COL9A1: variants seen among roughly 807,000 people sequenced by gnomAD.
The protein encoded by COL9A1 is collagen alpha-1(IX) chain.
In COL9A1, 104 loss-of-function variants were observed where a neutral mutation model predicts 142.6. That is an observed-to-expected ratio of 0.73 (90% CI 0.62 to 0.86). The LOEUF (loss-of-function observed/expected upper bound fraction) is 0.86, where lower values mean the gene tolerates loss of function less well. COL9A1 is among the 40% of genes least tolerant of loss of function. The pLI, the probability that COL9A1 is intolerant of heterozygous loss-of-function variation, is 0.00. For missense variants in COL9A1, 1,210 were observed against 1,176.6 expected, an observed-to-expected ratio of 1.03 and a Z score of -0.42; for synonymous variants, 466 against 396.0, an observed-to-expected ratio of 1.18 and a Z score of -2.10.
intron 10 of COL9A1, among the ~76,000 whole-genome samples, chr6:70,278,104 A>G (rs1049685378): frequency 6.6e-6 from 1 of 152,252 alleles, no homozygotes. Flanking sequence ...GCTTAAATTC[A>G]AAAGTCAGGG....
rs779666896 is a variant in COL9A1 at position 70,274,076 on chromosome 6, G to T, written c.1036C>A (p.Pro346Thr). 2.0e-5 allele frequency: 32 copies of T among 1,587,656 alleles called. No individual in the cohort carries two copies. The South Asian group carries it at 2.1e-4, about 10-fold the overall frequency. ...AATCCACGCGATCCAGGCACACCAG[G>T]TTCTCCCTAAAAATAAAAATAGTTT... The part of the protein sequence containing the change: ...SIGSKGQKGE[P>T]GVPGSRGFPG... The change falls in exon 12 of 38, where the codon CCT (proline) becomes ACT (threonine). Residue 346 changes from proline (P) to threonine (T), a missense_variant. Transcript: ENST00000357250.
intron 26 of COL9A1, among the ~76,000 whole-genome samples, chr6:70,252,657 ATTAT>A (rs756355207): frequency 7.6e-4 from 115 of 152,290 alleles, no homozygotes; most frequent in Non-Finnish European, 1.5e-3. Context: ...CTCCAATATA[ATTAT>A]TTGAGTCTTT....
rs564704853 is a variant in COL9A1, at chr6:70,223,469, C to T, written c.2581+2463G>A. On this transcript the variant is annotated intron_variant, in intron 37 of 37. Transcript: ENST00000357250. Reference sequence around the variant, plus strand: ...AAGTTAGTTAGTGGCATAGTCAAAACGTGAACCTAGGATGTCTGAATTGTA... The same window carrying T: ...AAGTTAGTTAGTGGCATAGTCAAAATGTGAACCTAGGATGTCTGAATTGTA... 3.2e-4 allele frequency among the ~76,000 whole-genome samples: 48 copies of T among 152,218 alleles called. No individual in the cohort carries two copies. In the East Asian group the frequency reaches 8.3e-3, roughly 26 times the overall value.
intron 28 of COL9A1, among the ~76,000 whole-genome samples, chr6:70,244,824 GTTC>G (rs1373651385): frequency 6.6e-6 from 1 of 152,058 alleles, no homozygotes; most frequent in Non-Finnish European, 1.5e-5. Context: ...TCTTTTCTAA[GTTC>G]TTATTACAGT....
chr6:70,251,847 C>T (rs978248512), intron 28 of COL9A1, among the ~76,000 whole-genome samples: 6 of 152,226 alleles, frequency 3.9e-5, no homozygotes, highest in Non-Finnish European at 8.8e-5. Flanking sequence ...TGTATCTCAA[C>T]GTTGGGTCTT....
In COL9A1 at chr6:70,266,690, TA is replaced by T. The variant is rs1224407742; in HGVS notation, c.1341+26del. The T allele has an allele frequency of 2.5e-6, 4 of 1,573,844 alleles. No homozygotes were observed. In the Admixed American group the frequency reaches 6.7e-5, roughly 26 times the overall value. On this transcript the variant is annotated intron_variant, in intron 18 of 37. Transcript: ENST00000357250. ...TGACCAATAACTCCTAATCACAATT[TA>T]TCCACTAAATACCCATTTTCCTTAC... is the stretch of plus-strand genomic sequence containing the variant.
intron 36 of COL9A1, among the ~76,000 whole-genome samples, 182 bp from the exon 37 acceptor site, chr6:70,226,191 G>A (rs538412692): frequency 6.6e-5 from 10 of 151,976 alleles, no homozygotes; most frequent in Non-Finnish European, 1.3e-4. Context: ...ATCTAAGGGG[G>A]GAAAATCAAA....
At chr6:70,250,127 G>C (rs1562302189) in intron 28 of COL9A1, among the ~76,000 whole-genome samples, 1 of 151,884 alleles carries the variant, frequency 6.6e-6, no homozygotes, top group East Asian at 1.9e-4. Flanking sequence ...TGGGCATGGT[G>C]GTGTGCACCT....
intron 36 of COL9A1, 46 bp downstream of exon 36, chr6:70,232,537 T>G (rs368426763): frequency 2.5e-6 from 4 of 1,594,346 alleles, no homozygotes; most frequent in Admixed American, 3.3e-5. Flanking sequence ...ATTATACATC[T>G]GAAAAAGGTT....
chr6:70,287,662 G>C (rs1773509829), intron 5 of COL9A1, among the ~76,000 whole-genome samples: 1 of 152,106 alleles, frequency 6.6e-6, no homozygotes, highest in Non-Finnish European at 1.5e-5. Context: ...ACCCATTCCA[G>C]TTGGGCTTTC....
intron 22 of COL9A1, 56 bp downstream of exon 22, chr6:70,255,281 A>C (rs1771208233): frequency 6.2e-7 from 1 of 1,608,934 alleles, no homozygotes; most frequent in African/African-American, 1.3e-5. Context: ...AGATCAGCAT[A>C]ATCAGCAGAT....
At chr6:70,236,700 C>T (rs1363538693) in intron 33 of COL9A1, among the ~76,000 whole-genome samples, 4 of 152,160 alleles carry the variant, frequency 2.6e-5, no homozygotes, top group Admixed American at 1.3e-4. Flanking sequence ...GCCAAAATTG[C>T]TTCTATGAAG....
Position 70,287,025 on chromosome 6 carries a change from A to G in COL9A1, c.697-3205T>C, listed in dbSNP as rs149653836. 1.7e-3 allele frequency among the ~76,000 whole-genome samples: 254 copies of G among 152,382 alleles called. 2 individuals carry two copies. Among genetic ancestry groups the G allele is most frequent in the African/African-American group, 5.8e-3 (242 of 41,596 alleles). The stretch of plus-strand genomic sequence containing the variant: ...AGAAAATGATTTGATGATAAATACT[A>G]TAGCAGTGGAGATGACAGAAATATT... On this transcript the variant is annotated intron_variant, in intron 5 of 37. Transcript: ENST00000357250.
At chr6:70,260,520 C>CAATGCA in intron 20 of COL9A1, 137 bp downstream of exon 20, 1 of 703,036 alleles carries the variant, frequency 1.4e-6, no homozygotes, top group Non-Finnish European at 2.3e-6. Context: ...TGCACTCCAG[C>CAATGCA]CTGGGCAACA....
At chr6:70,278,691 T>C (rs1053465234) in intron 10 of COL9A1, among the ~76,000 whole-genome samples, 6 of 152,232 alleles carry the variant, frequency 3.9e-5, no homozygotes, top group Non-Finnish European at 8.8e-5. Context: ...CTTATTCTTT[T>C]ATGTCTTTTA....
At position 70,260,701 on chromosome 6, in the gene COL9A1, C is replaced by A; in HGVS notation, c.1405G>T (p.Gly469Cys). Residue 469 changes from glycine to cysteine, a missense_variant, in exon 20 of 38, where the codon GGT becomes TGT. By Grantham distance (159) the Gly-to-Cys change is radical. Coordinates refer to ENST00000357250, the MANE Select transcript of COL9A1 (RefSeq NM_001851.6). ...ACTATGCCGGTGATGCCTCGCAAAC[C>A]CTGGGCTCCCTGGAAATGTGAAAAA... ...VGAQGPPGAQ[G>C]LRGITGIVGD... 2 of 1,613,878 alleles carry A rather than the reference C, an allele frequency of 1.2e-6. No individual in the cohort carries two copies. The highest frequency in any genetic ancestry group is 1.7e-6 in the Non-Finnish European group (2 of 1,179,920).
At position 70,274,064 on chromosome 6, in the gene COL9A1, C is replaced by T; in HGVS notation, c.1048G>A (p.Gly350Arg). The T allele has an allele frequency of 6.4e-7, 1 of 1,572,688 alleles. No individual in the cohort carries two copies. The highest frequency in any genetic ancestry group is 1.2e-5 in the South Asian group (1 of 83,870). The change falls in exon 12 of 38, where the codon GGA (glycine) becomes AGA (arginine). Residue 350 changes from glycine (G) to arginine (R), a missense_variant. By Grantham distance (125) the Gly-to-Arg change is moderately radical. Transcript: ENST00000357250. ...KGQKGEPGVP[G>R]SRGFPGRGIP... The stretch of plus-strand genomic sequence containing the variant: ...TTACTTACTGGAAATCCACGCGATC[C>T]AGGCACACCAGGTTCTCCCTAAAAA...
intron 20 of COL9A1, among the ~76,000 whole-genome samples, chr6:70,259,452 TAGAG>T: frequency 6.6e-6 from 1 of 152,154 alleles, no homozygotes; most frequent in East Asian, 1.9e-4. Context: ...TAAAATCTGA[TAGAG>T]AGGCTAAACA....
At chr6:70,280,700 G>A (rs1017771909) in intron 10 of COL9A1, 112 bp downstream of exon 10, 2 of 1,411,508 alleles carry the variant, frequency 1.4e-6, no homozygotes, top group Non-Finnish European at 9.7e-7. Flanking sequence ...TAGAGCCACA[G>A]CGCGTTCTCT....
Sources: allele counts gnomAD v4.1 joint callset (sites outside exome capture counted in the v4.1 genomes callset), GRCh38; gene constraint gnomAD v4.1.1; transcripts MANE v1.5; gene names NCBI Gene and HGNC (gene_info 2026-07-23, HGNC 2026-07-21).